The following ALG8 variants were observed in gnomAD, a reference collection of about 807,000 sequenced individuals.
The protein encoded by ALG8 is ALG8 alpha-1,3-glucosyltransferase, also known as dolichyl pyrophosphate Glc1Man9GlcNAc2 alpha-1,3-glucosyltransferase.
Under a neutral mutation model 70.2 loss-of-function variants are expected in ALG8, and 48 were observed. The observed-to-expected ratio is 0.68, with a 90% CI of 0.54 to 0.87. The LOEUF is 0.87. Among genes scored for constraint, ALG8 ranks in the 40% least tolerant of loss-of-function variants. The pLI, the probability that ALG8 is intolerant of heterozygous loss-of-function variation, is 0.00. For synonymous variants in ALG8, 234 were observed against 229.0 expected (o/e 1.02, Z -0.20); for missense variants, 572 against 608.7 (o/e 0.94, Z 0.64).
intron 3 of ALG8, among the ~76,000 whole-genome samples, chr11:78,123,257 C>T (rs1683217): frequency 0.13 from 18,267 of 140,222 alleles, 1,405 homozygotes; most frequent in East Asian, 0.31. Context: ...GAGCCGAGAT[C>T]GCGCCACAAT....
chr11:78,120,671 C>T (rs1156418159), intron 4 of ALG8, among the ~76,000 whole-genome samples: 1 of 152,100 alleles, frequency 6.6e-6, no homozygotes, highest in Non-Finnish European at 1.5e-5. Context: ...ATGTGGTAAG[C>T]CAAGATGGTA....
At chr11:78,123,949 T>G in intron 3 of ALG8, 72 bp downstream of exon 3, 1 of 1,520,690 alleles carries the variant, frequency 6.6e-7, no homozygotes, top group Non-Finnish European at 9.1e-7. Flanking sequence ...AAATTGGGAG[T>G]AAGTTAATAC....
chr11:78,123,322 A>C, intron 3 of ALG8, among the ~76,000 whole-genome samples: 1 of 145,202 alleles, frequency 6.9e-6, no homozygotes. Flanking sequence ...AAAGAAAAAA[A>C]AAAAAAAAAA....
rs1284684052 is a variant in ALG8 at position 78,112,693 on chromosome 11, G to A, written c.855C>T (p.Phe285=). The change falls in exon 8 of 13, where the codon TTC becomes TTT. Residue 285 remains phenylalanine, a synonymous_variant. Coordinates refer to ENST00000299626, the MANE Select transcript of ALG8 (RefSeq NM_024079.5). ...TGTCCAAAGCATTGTACAAAGCCCA[G>A]AAGTTTGGAGCCCAATATGCATGAC... ...GLCHAYWAPN[F]WALYNALDKV... 2 of 1,613,994 alleles carry A rather than the reference G, an allele frequency of 1.2e-6. No individual in the cohort carries two copies. Among genetic ancestry groups the A allele is most frequent in the Non-Finnish European group, 8.5e-7 (1 of 1,179,984 alleles).
intron 5 of ALG8, among the ~76,000 whole-genome samples, chr11:78,115,085 T>C (rs1340183604): frequency 2.0e-5 from 3 of 152,252 alleles, no homozygotes; most frequent in Admixed American, 2.0e-4. Flanking sequence ...CAGGCTGAAG[T>C]GCAGTGGCAC....
intron 2 of ALG8, 36 bp downstream of exon 2, chr11:78,127,322 A>C: frequency 1.4e-6 from 2 of 1,469,358 alleles, no homozygotes; most frequent in South Asian, 2.3e-5. Flanking sequence ...TTTATAGATG[A>C]ATCTTAAAAA....
At chr11:78,123,899 T>C in intron 3 of ALG8, 122 bp downstream of exon 3, 1 of 1,109,030 alleles carries the variant, frequency 9.0e-7, no homozygotes, top group Non-Finnish European at 1.4e-6. Flanking sequence ...CAATTTTTCA[T>C]TGTTTTAGCA....
At chr11:78,116,445 T>TG (rs1860574022) in intron 5 of ALG8, among the ~76,000 whole-genome samples, 1 of 151,808 alleles carries the variant, frequency 6.6e-6, no homozygotes, top group South Asian at 2.1e-4. Context: ...TTTGGCTGGG[T>TG]GGGGTGGCTG....
At chr11:78,136,084 TG>T (rs1426182970) in intron 1 of ALG8, among the ~76,000 whole-genome samples, 1 of 151,772 alleles carries the variant, frequency 6.6e-6, no homozygotes, top group Non-Finnish European at 1.5e-5. Flanking sequence ...ATGGGAGGAT[TG>T]TTTGAGCCCA....
chr11:78,109,814 T>C (rs979373947), intron 8 of ALG8, among the ~76,000 whole-genome samples: 13 of 152,208 alleles, frequency 8.5e-5, no homozygotes, highest in Non-Finnish European at 1.8e-4. Context: ...GTGCAGCTTA[T>C]AGGAAACTTG....
At chr11:78,105,111 C>T (rs1281477626) in intron 10 of ALG8, among the ~76,000 whole-genome samples, 1 of 152,130 alleles carries the variant, frequency 6.6e-6, no homozygotes, top group Non-Finnish European at 1.5e-5. Context: ...ATCTCTTGGA[C>T]AATGCCCTTC....
At chr11:78,129,925 C>A (rs1382552753) in intron 1 of ALG8, among the ~76,000 whole-genome samples, 4 of 151,996 alleles carry the variant, frequency 2.6e-5, no homozygotes, top group African/African-American at 9.7e-5. Context: ...CAACAACGCA[C>A]AAACTTAATG....
At chr11:78,114,643 A>G in intron 5 of ALG8, 2 of 526,336 alleles carry the variant, frequency 3.8e-6, no homozygotes, top group South Asian at 2.0e-5. Context: ...CTGGAAAGCT[A>G]AAATTATCCT....
intron 7 of ALG8, among the ~76,000 whole-genome samples, chr11:78,113,627 C>T (rs1028454954): frequency 6.6e-6 from 1 of 150,486 alleles, no homozygotes; most frequent in Admixed American, 6.7e-5. Flanking sequence ...ACAGGAGAAT[C>T]GCTTGAATCC....
intron 1 of ALG8, chr11:78,138,665 T>C (rs1193014114): frequency 2.2e-6 from 1 of 452,576 alleles, no homozygotes. Context: ...AGAGGAAGGA[T>C]GAAGGGAAGG....
intron 5 of ALG8, among the ~76,000 whole-genome samples, chr11:78,117,983 A>G (rs1452721831): frequency 6.6e-6 from 1 of 151,206 alleles, no homozygotes; most frequent in Non-Finnish European, 1.5e-5. Flanking sequence ...AGGCGGGAGA[A>G]TGGCGTGAAC....
At chr11:78,123,645 T>C (rs531942747) in intron 3 of ALG8, among the ~76,000 whole-genome samples, 10 of 152,264 alleles carry the variant, frequency 6.6e-5, no homozygotes, top group African/African-American at 2.4e-4. Flanking sequence ...GTGCATGTAC[T>C]GTGTGCATAC....
intron 9 of ALG8, among the ~76,000 whole-genome samples, chr11:78,107,411 G>C (rs928867600): frequency 2.8e-4 from 40 of 143,494 alleles, no homozygotes; most frequent in African/African-American, 9.7e-4. Context: ...AATAGAGACG[G>C]GGTTTCACCA....
At chr11:78,131,725 C>G (rs1338170995) in intron 1 of ALG8, among the ~76,000 whole-genome samples, 1 of 151,724 alleles carries the variant, frequency 6.6e-6, no homozygotes, top group African/African-American at 2.4e-5. Context: ...CTTGGCCTTC[C>G]AAAGTGCTGG....
Sources: gnomAD v4.1 joint callset for allele counts (sites outside exome capture counted in the v4.1 genomes callset) on GRCh38, gnomAD v4.1.1 for gene constraint, MANE v1.5 for transcripts, NCBI Gene and HGNC (gene_info 2026-07-23, HGNC 2026-07-21) for gene names.